PSTPIP2: variants seen among roughly 807,000 people sequenced by gnomAD.
PSTPIP2 encodes proline-serine-threonine phosphatase-interacting protein 2.
In PSTPIP2, 33 loss-of-function variants were observed where a neutral mutation model predicts 63.3. The ratio of observed to expected loss-of-function variants is 0.52; its 90% CI spans 0.40 to 0.70. The LOEUF (loss-of-function observed/expected upper bound fraction) is 0.70. PSTPIP2 is among the 30% of genes least tolerant of loss of function. The pLI is 0.00. For missense variants in PSTPIP2, 312 were observed against 400.7 expected (o/e 0.78, Z 1.89); for synonymous variants, 125 against 132.7 (o/e 0.94, Z 0.40).
At chr18:45,986,228 C>G (rs955598856) in intron 14 of PSTPIP2, among the ~76,000 whole-genome samples, 1 of 152,088 alleles carries the variant, frequency 6.6e-6, no homozygotes, top group Non-Finnish European at 1.5e-5. Context: ...GTGTTGTATA[C>G]TCCCTTTAGT....
chr18:45,993,900 T>C, intron 9 of PSTPIP2, 197 bp from the exon 10 acceptor site: 1 of 566,888 alleles, frequency 1.8e-6, no homozygotes. Flanking sequence ...AATATCACAG[T>C]AACACAAACA....
chr18:46,013,628 C>T (rs769964935), intron 4 of PSTPIP2, among the ~76,000 whole-genome samples: 9 of 151,868 alleles, frequency 5.9e-5, no homozygotes, highest in Non-Finnish European at 1.2e-4. Context: ...CAGTTATAAC[C>T]AAAGGCCACA....
intron 4 of PSTPIP2, among the ~76,000 whole-genome samples, chr18:46,011,862 A>G (rs2051800002): frequency 6.6e-6 from 1 of 152,240 alleles, no homozygotes; most frequent in African/African-American, 2.4e-5. Context: ...GCATGGCATT[A>G]AAGCTAAAAA....
At chr18:46,049,533 T>C (rs1908508334) in intron 1 of PSTPIP2, among the ~76,000 whole-genome samples, 1 of 151,520 alleles carries the variant, frequency 6.6e-6, no homozygotes, top group South Asian at 2.1e-4. Context: ...AAAAGAGCAA[T>C]AATATTTAAT....
chr18:45,986,651 AATG>A (rs2051469751), intron 14 of PSTPIP2, among the ~76,000 whole-genome samples: 1 of 152,204 alleles, frequency 6.6e-6, no homozygotes, highest in African/African-American at 2.4e-5. Context: ...ATGAAGAAGA[AATG>A]ATGACTGATT....
At position 46,015,947 on chromosome 18, in the gene PSTPIP2, A is replaced by C; in HGVS notation, c.213-10T>G. 1 of 1,611,624 alleles carries C rather than the reference A, an allele frequency of 6.2e-7. No individual in the cohort carries two copies. The highest frequency in any genetic ancestry group is 8.5e-7 in the Non-Finnish European group (1 of 1,178,420). ...GGCCCGCTTCAGGGTGCTAAAAAAA[A>C]CAAGCACATATATAATTTCAGTTCT... On this transcript the variant is annotated splice_polypyrimidine_tract_variant and intron_variant, in intron 3 of 14. Transcript: ENST00000409746.
chr18:46,029,649 T>A (rs1907717464), intron 2 of PSTPIP2: 1 of 742,576 alleles, frequency 1.3e-6, no homozygotes, highest in East Asian at 2.5e-5. Flanking sequence ...CATTCAATCC[T>A]ACTACAGAAA....
At chr18:46,015,245 G>C (rs979785792) in intron 4 of PSTPIP2, among the ~76,000 whole-genome samples, 2 of 152,142 alleles carry the variant, frequency 1.3e-5, no homozygotes, top group Non-Finnish European at 2.9e-5. Flanking sequence ...TATTTCCTTC[G>C]ATGCTTACTG....
intron 1 of PSTPIP2, among the ~76,000 whole-genome samples, chr18:46,049,008 ATGTGTGTGTGTGTGTG>A (rs59638072): frequency 0.013 from 1,792 of 136,370 alleles, 22 homozygotes; most frequent in Admixed American, 0.04. Context: ...GAAAAAAAGC[ATGTGTGTGTGTGTGTG>A]TGTGTGTGTG....
chr18:45,991,563 T>C (rs768878092), intron 12 of PSTPIP2, among the ~76,000 whole-genome samples: 61 of 152,224 alleles, frequency 4.0e-4, no homozygotes, highest in Non-Finnish European at 8.1e-4. Context: ...AGACTATTCT[T>C]AACTCACAGG....
At chr18:45,999,801 T>C (rs961184812) in intron 6 of PSTPIP2, among the ~76,000 whole-genome samples, 6 of 152,212 alleles carry the variant, frequency 3.9e-5, no homozygotes, top group South Asian at 2.1e-4. Context: ...ATAAAGTACA[T>C]GAGCTTTAAA....
At chr18:46,029,711 C>T in intron 2 of PSTPIP2, 2 of 669,220 alleles carry the variant, frequency 3.0e-6, no homozygotes, top group Non-Finnish European at 5.5e-6. Flanking sequence ...GGTTCATCTT[C>T]CTTCCTGTAC....
chr18:46,053,352 T>C (rs1908645481), intron 1 of PSTPIP2, among the ~76,000 whole-genome samples: 1 of 152,220 alleles, frequency 6.6e-6, no homozygotes, highest in Admixed American at 6.5e-5. Flanking sequence ...GGAGTGAGGA[T>C]GTTTTATATA....
At chr18:46,071,756 G>T (rs548275705) in intron 1 of PSTPIP2, among the ~76,000 whole-genome samples, 61 of 152,336 alleles carry the variant, frequency 4.0e-4, no homozygotes, top group African/African-American at 1.4e-3. Context: ...ACTCTCCCCG[G>T]ACGGGTCTCG....
intron 2 of PSTPIP2, among the ~76,000 whole-genome samples, chr18:46,031,947 C>T (rs896042130): frequency 5.3e-5 from 8 of 152,308 alleles, no homozygotes; most frequent in East Asian, 1.9e-4. Flanking sequence ...ATCTCAGCCT[C>T]ATAAAACCAG....
chr18:45,995,077 T>C (rs1344286224), intron 9 of PSTPIP2, among the ~76,000 whole-genome samples: 2 of 151,432 alleles, frequency 1.3e-5, no homozygotes, highest in African/African-American at 4.9e-5. Context: ...TTGTTTTTTA[T>C]GGGGAAGGGG....
intron 2 of PSTPIP2, chr18:46,028,721 A>G (rs1221216456): frequency 9.9e-6 from 9 of 911,822 alleles, no homozygotes; most frequent in Non-Finnish European, 1.5e-5. Flanking sequence ...AGTGAAAGTA[A>G]ACTTTAGAAA....
intron 1 of PSTPIP2, among the ~76,000 whole-genome samples, chr18:46,064,650 G>A (rs1038167661): frequency 1.3e-5 from 2 of 151,828 alleles, no homozygotes; most frequent in African/African-American, 4.8e-5. Context: ...AAAACACAGT[G>A]AGAATGTGGG....
intron 5 of PSTPIP2, among the ~76,000 whole-genome samples, chr18:46,006,871 A>G (rs2051734755): frequency 6.6e-6 from 1 of 152,212 alleles, no homozygotes; most frequent in African/African-American, 2.4e-5. Flanking sequence ...CATCACAACT[A>G]TGTGAGTACT....
Sources: allele counts gnomAD v4.1 joint callset (sites outside exome capture counted in the v4.1 genomes callset), GRCh38; gene constraint gnomAD v4.1.1; transcripts MANE v1.5; gene names NCBI Gene and HGNC (gene_info 2026-07-23, HGNC 2026-07-21).